The following KAZN variants were observed in gnomAD, a reference collection of about 807,000 sequenced individuals.
KAZN encodes the protein kazrin, periplakin interacting protein.
In KAZN, 40 loss-of-function variants were observed where a neutral mutation model predicts 87.4. That is an observed-to-expected ratio of 0.46 (90% CI 0.36 to 0.60). KAZN has a LOEUF of 0.60. Among genes scored for constraint, KAZN ranks in the 20% least tolerant of loss-of-function variants. The pLI, the probability that KAZN is intolerant of heterozygous loss-of-function variation, is 0.00. For missense variants in KAZN, 898 were observed against 1,073.9 expected, an observed-to-expected ratio of 0.84 and a Z score of 2.29; for synonymous variants, 466 against 458.3, an observed-to-expected ratio of 1.02 and a Z score of -0.22.
At chr1:14,887,664 T>C (rs375465250) in intron 1 of KAZN, among the ~76,000 whole-genome samples, 7 of 145,442 alleles carry the variant, frequency 4.8e-5, no homozygotes, top group African/African-American at 1.6e-4. Context: ...CCCGTCGTGG[T>C]AGTTTTTTTT....
At chr1:14,629,295 T>C (rs1003762482) in intron 1 of KAZN, among the ~76,000 whole-genome samples, 3 of 152,226 alleles carry the variant, frequency 2.0e-5, no homozygotes, top group Non-Finnish European at 2.9e-5. Flanking sequence ...CATGTTTTTC[T>C]CTCTCCAAGA....
intron 2 of KAZN, among the ~76,000 whole-genome samples, chr1:14,343,317 T>A (rs1053704989): frequency 2.0e-5 from 3 of 152,136 alleles, no homozygotes; most frequent in Non-Finnish European, 4.4e-5. Context: ...GAAAGACGAT[T>A]TGAGTCCACT....
intron 1 of KAZN, among the ~76,000 whole-genome samples, chr1:14,892,540 AC>A (rs1397938345): frequency 6.6e-6 from 1 of 151,360 alleles, no homozygotes; most frequent in African/African-American, 2.4e-5. Context: ...ATGGGAGCCC[AC>A]CCCACAGGTT....
intron 1 of KAZN, among the ~76,000 whole-genome samples, chr1:14,733,950 G>T (rs72868417): frequency 0.011 from 1,610 of 152,250 alleles, 19 homozygotes; most frequent in African/African-American, 0.035. Flanking sequence ...ACACCATAGG[G>T]CTGCGCACAG....
At chr1:14,582,223 G>A (rs1364164062) in intron 2 of KAZN, among the ~76,000 whole-genome samples, 1 of 152,108 alleles carries the variant, frequency 6.6e-6, no homozygotes, top group Non-Finnish European at 1.5e-5. Context: ...TAGATCAAAT[G>A]ACAGGAACCC....
At chr1:14,832,430 C>T (rs568879028) in intron 1 of KAZN, among the ~76,000 whole-genome samples, 1 of 152,260 alleles carries the variant, frequency 6.6e-6, no homozygotes, top group East Asian at 1.9e-4. Flanking sequence ...CTTTCCCAGA[C>T]TTTTCAGTAG....
chr1:14,825,452 T>TGAAAAAACCATAAC (rs531996703), intron 1 of KAZN, among the ~76,000 whole-genome samples: 216 of 152,340 alleles, frequency 1.4e-3, no homozygotes, highest in Non-Finnish European at 2.6e-3. Context: ...GCCGCGGGCC[T>TGAAAAAACCATAAC]GAAAAAACCA....
At chr1:14,134,625 C>A (rs777501078) in intron 1 of KAZN, among the ~76,000 whole-genome samples, 1 of 152,170 alleles carries the variant, frequency 6.6e-6, no homozygotes, top group Non-Finnish European at 1.5e-5. Flanking sequence ...AAACATCATA[C>A]AGCTACTAAA....
intron 1 of KAZN, among the ~76,000 whole-genome samples, chr1:14,044,677 C>T (rs557856116): frequency 2.9e-4 from 44 of 152,260 alleles, no homozygotes; most frequent in African/African-American, 9.9e-4. Flanking sequence ...AGACTCCTCT[C>T]TCGCCATTAA....
intron 4 of KAZN, among the ~76,000 whole-genome samples, chr1:15,052,182 A>T (rs1401565469): frequency 1.3e-5 from 2 of 151,580 alleles, no homozygotes; most frequent in Non-Finnish European, 2.9e-5. Context: ...GTCTCTTCTC[A>T]TGCTGCTGAT....
At chr1:13,936,587 C>T (rs571694073) in intron 1 of KAZN, among the ~76,000 whole-genome samples, 5 of 152,254 alleles carry the variant, frequency 3.3e-5, no homozygotes, top group African/African-American at 1.2e-4. Flanking sequence ...CCATGTGTAC[C>T]CATTGTTTAG....
chr1:14,789,409 C>T (rs1333393335), intron 1 of KAZN, among the ~76,000 whole-genome samples: 1 of 152,158 alleles, frequency 6.6e-6, no homozygotes, highest in Non-Finnish European at 1.5e-5. Context: ...CTCTGCTTCC[C>T]CACATGCCCC....
intron 1 of KAZN, among the ~76,000 whole-genome samples, chr1:14,752,649 A>G (rs1453074202): frequency 6.6e-6 from 1 of 152,090 alleles, no homozygotes; most frequent in Non-Finnish European, 1.5e-5. Flanking sequence ...AATCCCATTC[A>G]TGAGGGCAGA....
chr1:14,714,616 A>C (rs745691966), intron 1 of KAZN, among the ~76,000 whole-genome samples: 4 of 151,974 alleles, frequency 2.6e-5, no homozygotes, highest in Non-Finnish European at 5.9e-5. Flanking sequence ...GCTGCTCCTG[A>C]AGGCTGTCAT....
Position 15,046,476 on chromosome 1 carries a change from C to T in KAZN, c.726+2317C>T, listed in dbSNP as rs1322484022. On this transcript the variant is annotated intron_variant, in intron 4 of 14. Coordinates refer to ENST00000376030, the MANE Select transcript of KAZN (RefSeq NM_201628.3). ...GTGACGGAGGTAGAAGAAAATCCGC[C>T]GATAATCAGACCCACGCACCCATGC... is the stretch of plus-strand genomic sequence containing the variant. Among the ~76,000 whole-genome samples the T allele has an allele frequency of 3.3e-5, 5 of 151,886 alleles. No individual in the cohort carries two copies. The East Asian group carries it at 9.7e-4, about 29-fold the overall frequency.
chr1:14,219,752 G>A (rs1449333241), intron 2 of KAZN, among the ~76,000 whole-genome samples: 1 of 152,108 alleles, frequency 6.6e-6, no homozygotes, highest in East Asian at 1.9e-4. Context: ...ACTTACCAGG[G>A]CAATAACATT....
At chr1:14,760,243 C>T (rs903695237) in intron 1 of KAZN, among the ~76,000 whole-genome samples, 2 of 152,168 alleles carry the variant, frequency 1.3e-5, no homozygotes, top group African/African-American at 2.4e-5. Flanking sequence ...GGCCCAAATC[C>T]TCGTCTCAGG....
chr1:14,054,004 C>T (rs913602923), intron 1 of KAZN, among the ~76,000 whole-genome samples: 3 of 151,992 alleles, frequency 2.0e-5, no homozygotes, highest in Non-Finnish European at 2.9e-5. Context: ...TCATAAAGGT[C>T]TTTATCCTCA....
At chr1:15,035,017 C>T in intron 3 of KAZN, 132 bp downstream of exon 3, 6 of 1,114,614 alleles carry the variant, frequency 5.4e-6, no homozygotes, top group Non-Finnish European at 7.7e-6. Context: ...ATGTGTCCAG[C>T]CAGGCCTAGG....
Sources: gnomAD v4.1 joint callset for allele counts (sites outside exome capture counted in the v4.1 genomes callset) on GRCh38, gnomAD v4.1.1 for gene constraint, MANE v1.5 for transcripts, NCBI Gene and HGNC (gene_info 2026-07-23, HGNC 2026-07-21) for gene names.